Variants in ABR observed in about 807,000 individuals in gnomAD.
The protein encoded by ABR is active breakpoint cluster region-related protein.
Under a neutral mutation model 107.2 loss-of-function variants are expected in ABR, and 35 were observed. That is an observed-to-expected ratio of 0.33 (90% CI 0.25 to 0.43). The LOEUF (loss-of-function observed/expected upper bound fraction) is 0.43, where lower values mean the gene tolerates loss of function less well. ABR is among the 20% of genes least tolerant of loss of function. ABR has a pLI of 1.00. For synonymous variants in ABR, 498 were observed against 462.0 expected (o/e 1.08, Z -1.00); for missense variants, 815 against 1,115.2 (o/e 0.73, Z 3.83).
chr17:1,123,336 C>T (rs2039435710), intron 2 of ABR, among the ~76,000 whole-genome samples: 1 of 152,164 alleles, frequency 6.6e-6, no homozygotes, highest in Non-Finnish European at 1.5e-5. Flanking sequence ...GTCACTCTAG[C>T]ATCTCTGGAT....
At chr17:1,132,620 A>G (rs1597925440) in intron 1 of ABR, among the ~76,000 whole-genome samples, 1 of 151,788 alleles carries the variant, frequency 6.6e-6, no homozygotes. Context: ...CTTGTGATCC[A>G]CCCACCTCGG....
At chr17:1,068,476 G>A (rs2034943905) in intron 9 of ABR, among the ~76,000 whole-genome samples, 1 of 152,192 alleles carries the variant, frequency 6.6e-6, no homozygotes, top group East Asian at 1.9e-4. Context: ...AGGGCTGAAG[G>A]GAGAGGCAAG....
intron 6 of ABR, 120 bp from the exon 7 acceptor site, chr17:1,073,797 AC>A: frequency 1.2e-6 from 1 of 862,394 alleles, no homozygotes; most frequent in Non-Finnish European, 1.7e-6. Flanking sequence ...CTCGAGGGAC[AC>A]CAGAGTGAGC....
chr17:1,033,114 T>C (rs1297969130), intron 16 of ABR, among the ~76,000 whole-genome samples: 1 of 152,200 alleles, frequency 6.6e-6, no homozygotes. Context: ...TGGATGATGC[T>C]TTGGATTCAG....
chr17:1,132,831 G>C lies in ABR; in HGVS notation c.62-7464C>G, dbSNP rs534502309. On this transcript the variant is annotated intron_variant, in intron 1 of 22. Coordinates refer to ENST00000302538, the MANE Select transcript of ABR (RefSeq NM_021962.5). ...CATTTGTAATGAAAGAAAATGTAAA[G>C]TTCTATATAGTTTTCACTGTTCGTG... Among the ~76,000 whole-genome samples, 43 of 152,298 alleles carry C rather than the reference G, an allele frequency of 2.8e-4. 1 individual carries two copies. Among genetic ancestry groups the C allele is most frequent in the African/African-American group, 9.6e-4 (40 of 41,558 alleles).
At chr17:1,012,849 G>T in intron 17 of ABR, 52 bp from the exon 18 acceptor site, 1 of 1,448,700 alleles carries the variant, frequency 6.9e-7, no homozygotes, top group Non-Finnish European at 9.5e-7. Flanking sequence ...AGTGCCCGAG[G>T]AATGCCCCCA....
At chr17:1,196,661 C>T (rs561185331) in intron 1 of ABR, among the ~76,000 whole-genome samples, 29 of 150,322 alleles carry the variant, frequency 1.9e-4, no homozygotes, top group South Asian at 6.3e-4. Context: ...TGGGAGAAGA[C>T]GGCACCACAG....
At chr17:1,089,175 C>T (rs1034627041) in intron 4 of ABR, among the ~76,000 whole-genome samples, 2 of 151,988 alleles carry the variant, frequency 1.3e-5, no homozygotes, top group Non-Finnish European at 2.9e-5. Flanking sequence ...GGATTACAGG[C>T]GTGAGCCACC....
intron 1 of ABR, among the ~76,000 whole-genome samples, chr17:1,134,866 G>A (rs757474519): frequency 5.3e-5 from 8 of 152,228 alleles, no homozygotes; most frequent in Non-Finnish European, 1.0e-4. Context: ...GGCACAGGGT[G>A]GCTGCTACTA....
intron 1 of ABR, among the ~76,000 whole-genome samples, chr17:1,216,830 C>A (rs1567898957): frequency 1.3e-5 from 2 of 152,204 alleles, no homozygotes; most frequent in Non-Finnish European, 2.9e-5. Context: ...TAATTAATTT[C>A]TGCGTGCTCA....
At chr17:1,212,906 G>A (rs1285057313) in intron 1 of ABR, among the ~76,000 whole-genome samples, 1 of 151,806 alleles carries the variant, frequency 6.6e-6, no homozygotes, top group Admixed American at 6.6e-5. Flanking sequence ...AAAAGAGAGA[G>A]AGAGATAAAG....
At chr17:1,090,608 C>T (rs2036956907) in intron 4 of ABR, among the ~76,000 whole-genome samples, 2 of 152,072 alleles carry the variant, frequency 1.3e-5, no homozygotes, top group South Asian at 4.1e-4. Flanking sequence ...CAGGTGACGC[C>T]GGAGGCAGGG....
intron 16 of ABR, among the ~76,000 whole-genome samples, chr17:1,028,954 C>A (rs1481331730): frequency 6.6e-6 from 1 of 152,084 alleles, no homozygotes; most frequent in African/African-American, 2.4e-5. Context: ...TGGGGGGGTT[C>A]CTCCTTCAGC....
chr17:1,066,552 A>C (rs2034763576), intron 10 of ABR, among the ~76,000 whole-genome samples: 1 of 150,782 alleles, frequency 6.6e-6, no homozygotes, highest in Admixed American at 6.6e-5. Context: ...TGTTTTTGAC[A>C]GAATCTCACT....
chr17:1,015,356 T>C (rs1027881691), intron 16 of ABR, among the ~76,000 whole-genome samples: 10 of 144,430 alleles, frequency 6.9e-5, no homozygotes, highest in Admixed American at 2.1e-4. Flanking sequence ...GAGGTGGAGG[T>C]TGCATTGAGC....
intron 9 of ABR, 147 bp from the exon 10 acceptor site, chr17:1,067,389 ATT>A: frequency 3.7e-6 from 3 of 816,154 alleles, no homozygotes; most frequent in Non-Finnish European, 5.5e-6. Flanking sequence ...GAGGAGCCTG[ATT>A]GGGAAACACA....
intron 16 of ABR, among the ~76,000 whole-genome samples, chr17:1,024,036 A>AAAAAAAAAAAAAAC: frequency 6.8e-6 from 1 of 147,968 alleles, no homozygotes; most frequent in Non-Finnish European, 1.5e-5. Flanking sequence ...AAAAAAAAAA[A>AAAAAAAAAAAAAAC]AAAAAAAAAA....
At position 1,206,258 on chromosome 17, in the gene ABR, G is replaced by A. The variant is rs558952079; in HGVS notation, c.838+22535C>T. On this transcript the variant is annotated intron_variant, in intron 1 of 22. Transcript: ENST00000574139. ...TGGGTTAGACACTGATGCGTTTATA[G>A]TGTAACTGCCACGTGACTGGGTTGT... 3.3e-5 allele frequency among the ~76,000 whole-genome samples: 5 copies of A among 152,344 alleles called. No homozygotes were observed. The South Asian group carries it at 1.0e-3, about 32-fold the overall frequency.
chr17:1,034,601 C>T (rs1460888773), intron 16 of ABR, among the ~76,000 whole-genome samples: 1 of 152,100 alleles, frequency 6.6e-6, no homozygotes, highest in African/African-American at 2.4e-5. Context: ...GTGGGGCCCT[C>T]GGGGCTGTAG....
Sources: allele counts gnomAD v4.1 joint callset (sites outside exome capture counted in the v4.1 genomes callset), GRCh38; gene constraint gnomAD v4.1.1; transcripts MANE v1.5; gene names NCBI Gene and HGNC (gene_info 2026-07-23, HGNC 2026-07-21).